Variants in NLGN1 observed in about 807,000 individuals in gnomAD.
NLGN1 encodes the protein neuroligin 1.
NLGN1 carries 12 observed loss-of-function variants against 65.5 expected under a neutral mutation model. The ratio of observed to expected loss-of-function variants is 0.18; its 90% CI spans 0.12 to 0.30. The LOEUF is 0.30. Ranked by LOEUF, NLGN1 falls within the 10% of genes least tolerant of loss-of-function variation. The pLI is 1.00. For synonymous variants in NLGN1, 350 were observed against 359.5 expected, an observed-to-expected ratio of 0.97 and a Z score of 0.30; for missense variants, 750 against 1,007.1, an observed-to-expected ratio of 0.74 and a Z score of 3.46.
At chr3:173,682,117 T>C (rs1311292771) in intron 3 of NLGN1, among the ~76,000 whole-genome samples, 2 of 152,156 alleles carry the variant, frequency 1.3e-5, no homozygotes, top group Non-Finnish European at 2.9e-5. Flanking sequence ...TTCTCATTTT[T>C]AAGAAAAGGT....
chr3:174,017,565 C>T (rs534720082), intron 4 of NLGN1, among the ~76,000 whole-genome samples: 20 of 152,208 alleles, frequency 1.3e-4, no homozygotes, highest in South Asian at 4.1e-4. Context: ...AGGTTCTTTT[C>T]GATTTCCCTA....
intron 4 of NLGN1, among the ~76,000 whole-genome samples, chr3:174,025,561 A>C (rs1207672062): frequency 6.6e-6 from 1 of 152,170 alleles, no homozygotes; most frequent in Non-Finnish European, 1.5e-5. Context: ...GAATGAAATT[A>C]AGGATGCAGA....
intron 3 of NLGN1, among the ~76,000 whole-genome samples, chr3:173,691,310 CTCTT>C (rs1765433662): frequency 6.6e-6 from 1 of 152,024 alleles, no homozygotes; most frequent in African/African-American, 2.4e-5. Context: ...CGTTCTCTCT[CTCTT>C]TCTGTCTCTC....
intron 1 of NLGN1, among the ~76,000 whole-genome samples, chr3:173,417,613 C>T (rs2148676082): frequency 6.8e-6 from 1 of 146,704 alleles, no homozygotes; most frequent in Non-Finnish European, 1.5e-5. Flanking sequence ...TTATCATACA[C>T]CACACAGAAA....
intron 4 of NLGN1, among the ~76,000 whole-genome samples, chr3:173,975,075 G>A (rs1217689307): frequency 1.3e-5 from 2 of 151,986 alleles, no homozygotes; most frequent in African/African-American, 4.8e-5. Flanking sequence ...CTAGGGCTGG[G>A]GTCTGTGGCA....
chr3:173,777,226 A>G (rs1780431494), intron 3 of NLGN1, among the ~76,000 whole-genome samples: 1 of 151,936 alleles, frequency 6.6e-6, no homozygotes, highest in Non-Finnish European at 1.5e-5. Flanking sequence ...TATAATGGGT[A>G]AGTGTTAGCT....
At chr3:173,785,742 T>C (rs1034023430) in intron 3 of NLGN1, among the ~76,000 whole-genome samples, 1 of 152,150 alleles carries the variant, frequency 6.6e-6, no homozygotes, top group Non-Finnish European at 1.5e-5. Flanking sequence ...CTCTCATCTA[T>C]TTACAGTATT....
intron 3 of NLGN1, among the ~76,000 whole-genome samples, chr3:173,675,901 A>G (rs971409569): frequency 7.1e-6 from 1 of 141,520 alleles, no homozygotes; most frequent in South Asian, 2.4e-4. Flanking sequence ...ACACACACAC[A>G]CACACACACA....
In NLGN1 at chr3:173,499,231, A is replaced by G. The variant is rs1203615415; in HGVS notation, c.-321+64153A>G. ...TAATCCATCTTGAATTTATTTTTGT[A>G]TAAGGTATAAGGAAGGGATCCAGTT... On this transcript the variant is annotated intron_variant, in intron 2 of 6. Transcript: ENST00000457714. 1.4e-3 allele frequency among the ~76,000 whole-genome samples: 205 copies of G among 151,764 alleles called. 2 individuals are homozygous for G. Among genetic ancestry groups the G allele is most frequent in the African/African-American group, 4.2e-3 (173 of 41,110 alleles).
At chr3:174,050,254 T>C (rs895197356) in intron 4 of NLGN1, among the ~76,000 whole-genome samples, 2 of 152,102 alleles carry the variant, frequency 1.3e-5, no homozygotes, top group Non-Finnish European at 2.9e-5. Flanking sequence ...ATGGGCACCA[T>C]TGTAGGCTAC....
chr3:173,607,964 C>G (rs1214266006), intron 3 of NLGN1, among the ~76,000 whole-genome samples: 1 of 151,756 alleles, frequency 6.6e-6, no homozygotes, highest in Non-Finnish European at 1.5e-5. Flanking sequence ...ACTCTATAAT[C>G]TGTGCATATT....
chr3:173,774,808 C>T (rs1201396277), intron 3 of NLGN1, among the ~76,000 whole-genome samples: 3 of 152,048 alleles, frequency 2.0e-5, no homozygotes, highest in African/African-American at 7.2e-5. Flanking sequence ...ATTTGCACCT[C>T]TAATACAGCC....
At chr3:173,894,297 G>GT (rs1461988069) in intron 4 of NLGN1, among the ~76,000 whole-genome samples, 1 of 152,120 alleles carries the variant, frequency 6.6e-6, no homozygotes, top group Non-Finnish European at 1.5e-5. Flanking sequence ...ATGAAGCACC[G>GT]TGACTTACCA....
chr3:173,724,050 C>A (rs1008337240), intron 3 of NLGN1, among the ~76,000 whole-genome samples: 3 of 152,106 alleles, frequency 2.0e-5, no homozygotes, highest in Non-Finnish European at 4.4e-5. Context: ...GGGTAGGGAT[C>A]CATGGGGGTC....
chr3:173,528,117 A>G (rs1735958975), intron 2 of NLGN1, among the ~76,000 whole-genome samples: 1 of 152,172 alleles, frequency 6.6e-6, no homozygotes, highest in Non-Finnish European at 1.5e-5. Context: ...CATGTTTAGA[A>G]CACCTTTGAG....
intron 3 of NLGN1, among the ~76,000 whole-genome samples, chr3:173,770,359 C>T (rs1021340731): frequency 6.6e-6 from 1 of 152,098 alleles, no homozygotes; most frequent in Non-Finnish European, 1.5e-5. Flanking sequence ...GCACAGATAA[C>T]GTTGGTTGAT....
intron 3 of NLGN1, among the ~76,000 whole-genome samples, chr3:173,697,809 C>A (rs540187528): frequency 6.6e-6 from 1 of 152,152 alleles, no homozygotes; most frequent in African/African-American, 2.4e-5. Flanking sequence ...GGATTACAGG[C>A]GTGAGCCACT....
At chr3:173,510,602 T>G (rs1702943579) in intron 2 of NLGN1, among the ~76,000 whole-genome samples, 1 of 152,216 alleles carries the variant, frequency 6.6e-6, no homozygotes, top group Non-Finnish European at 1.5e-5. Context: ...TTGGGCCTAG[T>G]TCTTGCAAGA....
At position 173,470,813 on chromosome 3, in the gene NLGN1, T is replaced by A. The variant is rs142172852; in HGVS notation, c.-321+35735T>A. Among the ~76,000 whole-genome samples, 393 of 152,244 alleles carry A rather than the reference T, an allele frequency of 2.6e-3. 1 individual carries two copies. Among genetic ancestry groups the A allele is most frequent in the African/African-American group, 8.4e-3 (349 of 41,568 alleles). On this transcript the variant is annotated intron_variant, in intron 2 of 6. Transcript: ENST00000457714. ...TGGGATTCTTAATGATGAAAACCCT[T>A]GTTTATTCATCTTCATATCTCCAGC...
Sources: gnomAD v4.1 joint callset for allele counts (sites outside exome capture counted in the v4.1 genomes callset) on GRCh38, gnomAD v4.1.1 for gene constraint, MANE v1.5 for transcripts, NCBI Gene and HGNC (gene_info 2026-07-23, HGNC 2026-07-21) for gene names.